GPNMB: variants seen among roughly 807,000 people sequenced by gnomAD.
GPNMB encodes transmembrane glycoprotein NMB.
In GPNMB, 71 loss-of-function variants were observed where a neutral mutation model predicts 57.3. That is an observed-to-expected ratio of 1.24 (90% CI 1.02 to 1.51). GPNMB has a LOEUF of 1.51. GPNMB is among the 40% of genes most tolerant of loss of function. The probability of loss-of-function intolerance (pLI) is 0.00; values close to 1 mark genes in which losing one functional copy is unlikely to be tolerated. For synonymous variants in GPNMB, 253 were observed against 263.2 expected (o/e 0.96, Z 0.38); for missense variants, 677 against 691.9 (o/e 0.98, Z 0.24).
chr7:23,268,585 C>T (rs961496840), intron 8 of GPNMB, among the ~76,000 whole-genome samples: 4 of 152,038 alleles, frequency 2.6e-5, no homozygotes, highest in Admixed American at 2.0e-4. Context: ...AATACTATAT[C>T]GATTAACTAA....
rs759683765 is a variant in GPNMB at position 23,266,634 on chromosome 7, A to G, written c.1117+19A>G. ...ATTGTAGGTAAGGCTGAAGATGATG[A>G]CCAGTGAGGAAGGATGCTAGACTCC... On this transcript the variant is annotated intron_variant, in intron 7 of 10. Transcript: ENST00000258733. 2.5e-6 allele frequency: 4 copies of G among 1,611,272 alleles called. No individual in the cohort carries two copies. The highest frequency in any genetic ancestry group is 3.4e-6 in the Non-Finnish European group (4 of 1,178,192).
chr7:23,271,651 C>T (rs1783208105), intron 9 of GPNMB, among the ~76,000 whole-genome samples: 1 of 151,892 alleles, frequency 6.6e-6, no homozygotes, highest in African/African-American at 2.4e-5. Flanking sequence ...CAAAAATTAG[C>T]CAGGCATGGT....
chr7:23,266,621 G>A lies in GPNMB; in HGVS notation c.1117+6G>A, dbSNP rs373497685. Reference sequence around the variant, plus strand: ...AGCCACCATCACAATTGTAGGTAAGGCTGAAGATGATGACCAGTGAGGAAG... The same window carrying A: ...AGCCACCATCACAATTGTAGGTAAGACTGAAGATGATGACCAGTGAGGAAG... On this transcript the variant is annotated splice_donor_region_variant and intron_variant, in intron 7 of 10. Coordinates refer to ENST00000258733, the MANE Select transcript of GPNMB (RefSeq NM_002510.3). The A allele has an allele frequency of 8.1e-6, 13 of 1,612,998 alleles. No individual in the cohort carries two copies. The highest frequency in any genetic ancestry group is 3.3e-5 in the Admixed American group (2 of 59,882).
In GPNMB at chr7:23,253,455, G is replaced by A. The variant is rs1429594600; in HGVS notation, c.219G>A (p.Trp73Ter). ...KRGDMRWKNS[W>*]KGGRVQAVLT... ...GAGACATGAGGTGGAAAAACTCCTG[G>A]AAGGGTAAGTCAAAAGATTCAAACC... Residue 73 changes from tryptophan to a stop codon, truncating the protein, a stop_gained, in exon 2 of 11, where the codon TGG becomes TGA. Transcript: ENST00000258733. LOFTEE classifies it high-confidence loss of function. The A allele has an allele frequency of 2.5e-6, 4 of 1,613,254 alleles. No individual in the cohort carries two copies. Among genetic ancestry groups the A allele is most frequent in the African/African-American group, 1.3e-5 (1 of 74,870 alleles).
At position 23,256,883 on chromosome 7, in the gene GPNMB, T is replaced by C. The variant is rs201025235; in HGVS notation, c.368-9T>C. On this transcript the variant is annotated splice_polypyrimidine_tract_variant and intron_variant, in intron 3 of 10. Transcript: ENST00000258733. ...ATAACACTCATGGCTGGTTTCTATCTCTGTTTAGAGGCTGGTTTATCTGCT... is the reference window on the plus strand; with the variant it reads ...ATAACACTCATGGCTGGTTTCTATCCCTGTTTAGAGGCTGGTTTATCTGCT... The C allele has an allele frequency of 1.9e-6, 3 of 1,612,036 alleles. No homozygotes were observed.
chr7:23,246,940 T>A lies in GPNMB; in HGVS notation c.70+13T>A. 1 of 1,595,426 alleles carries A rather than the reference T, an allele frequency of 6.3e-7. No homozygotes were observed. Among genetic ancestry groups the A allele is most frequent in the Non-Finnish European group, 8.6e-7 (1 of 1,163,018 alleles). ...GATGCCGCCAAACGTGAGTAACCCT[T>A]AATTTCTATGTTTAACCCATTCTCT... On this transcript the variant is annotated intron_variant, in intron 1 of 10. Transcript: ENST00000258733.
chr7:23,272,689 G>A (rs926172985), intron 9 of GPNMB, among the ~76,000 whole-genome samples: 14 of 152,148 alleles, frequency 9.2e-5, no homozygotes, highest in African/African-American at 3.1e-4. Flanking sequence ...TGAAGCACCT[G>A]CAATTCTTTC....
Position 23,264,367 on chromosome 7 carries a change from T to C in GPNMB, c.1019-2150T>C, listed in dbSNP as rs1444567072. 2.0e-5 allele frequency among the ~76,000 whole-genome samples: 3 copies of C among 151,878 alleles called. No individual in the cohort carries two copies. In the South Asian group the frequency reaches 6.3e-4, roughly 32 times the overall value. ...GTTTGCGAAGCTCCATATGCTTTTT[T>C]ATTTTTATTTTTATTTTTTTTTTGA... is the stretch of plus-strand genomic sequence containing the variant. On this transcript the variant is annotated intron_variant, in intron 6 of 10. Transcript: ENST00000258733.
chr7:23,274,112 T>C lies in GPNMB; in HGVS notation c.1571T>C (p.Val524Ala), dbSNP rs111882633. ...ATAGAAAATAGTCCTGGGAATGTGG[T>C]CAGAAGCAAAGGCCTGAGTGTCTTT... Reference protein sequence around the residue: ...NPIENSPGNVVRSKGLSVFLN... With the variant: ...NPIENSPGNVARSKGLSVFLN... Residue 524 changes from valine (V) to alanine (A), a missense_variant, in exon 11 of 11, where the codon GTC becomes GCC. Physicochemically the swap from Val to Ala is moderately conservative, Grantham distance 64 (BLOSUM62 0). Coordinates refer to ENST00000258733, the MANE Select transcript of GPNMB (RefSeq NM_002510.3). 6.2e-7 allele frequency: 1 copy of C among 1,613,154 alleles called. No homozygotes were observed. The highest frequency in any genetic ancestry group is 1.3e-5 in the African/African-American group (1 of 74,904).
chr7:23,260,485 CAGA>C lies in GPNMB; in HGVS notation c.735_737del (p.Lys245del). 2 of 1,613,150 alleles carry C rather than the reference CAGA, an allele frequency of 1.2e-6. No individual in the cohort carries two copies. Among genetic ancestry groups the C allele is most frequent in the Non-Finnish European group, 1.7e-6 (2 of 1,179,384 alleles). On this transcript the variant is annotated inframe_deletion, in exon 6 of 11. Transcript: ENST00000258733. ...GATTCCTGTGTTTGTGACTATGTTC[CAGA>C]AGAACGATCGAAATTCATCCGACGA...
At chr7:23,260,826 T>C in intron 6 of GPNMB, 53 bp downstream of exon 6, 5 of 1,308,966 alleles carry the variant, frequency 3.8e-6, no homozygotes, top group Non-Finnish European at 5.2e-6. Flanking sequence ...TAACAAAATA[T>C]TCACGCAGGT....
chr7:23,247,262 CAACTA>C (rs1782554108), intron 1 of GPNMB: 2 of 330,916 alleles, frequency 6.0e-6, no homozygotes, highest in Non-Finnish European at 5.8e-6. Flanking sequence ...GCAACTCCAC[CAACTA>C]AACTATGTCC....
chr7:23,266,194 C>T (rs1469437098), intron 6 of GPNMB: 2 of 265,344 alleles, frequency 7.5e-6, no homozygotes, highest in Admixed American at 5.0e-5. Context: ...CATGATCTGC[C>T]CCCCTCGGCC....
chr7:23,272,132 T>C (rs956528664), intron 9 of GPNMB, among the ~76,000 whole-genome samples: 3 of 152,222 alleles, frequency 2.0e-5, no homozygotes, highest in Non-Finnish European at 4.4e-5. Flanking sequence ...CTGCTAATGT[T>C]ATTCCTTCAG....
Position 23,274,615 on chromosome 7 carries a change from A to G in GPNMB, c.*391A>G, listed in dbSNP as rs527919254. 58 of 166,902 alleles carry G rather than the reference A, an allele frequency of 3.5e-4. No individual in the cohort carries two copies. Among genetic ancestry groups the G allele is most frequent in the Admixed American group, 6.6e-4 (11 of 16,636 alleles). 10.3% of individuals were successfully genotyped at this position (166,902 alleles called of 1,614,324 possible). The stretch of plus-strand genomic sequence containing the variant: ...TTCAGCTTTCCATGTAACTGTATGC[A>G]TAAAGCCAATGTAGTCCAGTTTCTA... On this transcript the variant is annotated 3_prime_UTR_variant, in exon 11 of 11. Coordinates refer to ENST00000258733, the MANE Select transcript of GPNMB (RefSeq NM_002510.3).
At chr7:23,255,264 G>A (rs1277614886) in intron 3 of GPNMB, among the ~76,000 whole-genome samples, 2 of 152,204 alleles carry the variant, frequency 1.3e-5, no homozygotes, top group African/African-American at 2.4e-5. Context: ...TGGTCCGCCC[G>A]CCTCGGTCTC....
intron 1 of GPNMB, among the ~76,000 whole-genome samples, chr7:23,250,532 C>G (rs1195753996): frequency 2.0e-5 from 3 of 151,554 alleles, no homozygotes; most frequent in Admixed American, 1.3e-4. Flanking sequence ...GAGTTTGAGT[C>G]CAGCCTGAGC....
intron 7 of GPNMB, among the ~76,000 whole-genome samples, chr7:23,267,003 G>A (rs1385753144): frequency 6.6e-6 from 1 of 152,210 alleles, no homozygotes; most frequent in Non-Finnish European, 1.5e-5. Context: ...TGTGAAAAGG[G>A]GAAAGAGCAG....
chr7:23,246,841 G>C lies in GPNMB; in HGVS notation c.-17G>C, dbSNP rs751202578. ...TCAGAGTTAAACCTTGAGTGCCTGC[G>C]TCCGTGAGAATTCAGCATGGAATGT... On this transcript the variant is annotated 5_prime_UTR_variant, in exon 1 of 11. Transcript: ENST00000258733. The C allele has an allele frequency of 1.9e-6, 3 of 1,606,502 alleles. No homozygotes were observed. The highest frequency in any genetic ancestry group is 2.6e-6 in the Non-Finnish European group (3 of 1,173,074).
Sources: gnomAD v4.1 joint callset for allele counts (sites outside exome capture counted in the v4.1 genomes callset) on GRCh38, gnomAD v4.1.1 for gene constraint, MANE v1.5 for transcripts, NCBI Gene and HGNC (gene_info 2026-07-23, HGNC 2026-07-21) for gene names.